The following SRD5A2 variants were observed in gnomAD, a reference collection of about 807,000 sequenced individuals.
SRD5A2 encodes the protein 3-oxo-5-alpha-steroid 4-dehydrogenase 2.
In SRD5A2, 30 loss-of-function variants were observed where a neutral mutation model predicts 27.4. That is an observed-to-expected ratio of 1.10 (90% CI 0.82 to 1.49). The LOEUF (loss-of-function observed/expected upper bound fraction) is 1.49. Ranked by LOEUF, SRD5A2 falls within the 40% of genes most tolerant of loss-of-function variation. SRD5A2 has a pLI of 0.00. For synonymous variants in SRD5A2, 141 were observed against 133.6 expected (o/e 1.06, Z -0.38); for missense variants, 348 against 323.4 (o/e 1.08, Z -0.58).
rs1236417508 is a variant in SRD5A2 at position 31,533,646 on chromosome 2, A to G, written c.402T>C (p.Ala134=). Reference sequence around the variant, plus strand: ...CTGTGTACCACCCATCAGGGTATTCAGCACAGTAAATCAGATAGTAGCCTT... The same window carrying G: ...CTGTGTACCACCCATCAGGGTATTCGGCACAGTAAATCAGATAGTAGCCTT... The part of the protein sequence containing the change: ...VLQGYYLIYC[A]EYPDGWYTDI... The change falls in exon 2 of 5, where the codon GCT becomes GCC. Residue 134 remains alanine, a synonymous_variant. Transcript: ENST00000622030. The G allele has an allele frequency of 2.6e-6, 4 of 1,555,996 alleles. No individual in the cohort carries two copies. The highest frequency in any genetic ancestry group is 1.4e-5 in the African/African-American group (1 of 73,340).
chr2:31,551,736 T>C (rs1229847947), intron 1 of SRD5A2, among the ~76,000 whole-genome samples: 1 of 152,116 alleles, frequency 6.6e-6, no homozygotes, highest in Non-Finnish European at 1.5e-5. Flanking sequence ...TCAAAGGAAC[T>C]TGGATAACTA....
intron 1 of SRD5A2, among the ~76,000 whole-genome samples, chr2:31,549,440 G>A (rs1375278332): frequency 6.6e-6 from 1 of 152,034 alleles, no homozygotes; most frequent in African/African-American, 2.4e-5. Flanking sequence ...ATAAGATAAA[G>A]AGTCATGAGC....
At chr2:31,592,089 TA>T in the SRD5A2 span, among the ~76,000 whole-genome samples, 1 of 136,240 alleles carries the variant, frequency 7.3e-6, no homozygotes. Flanking sequence ...AAGTATAATT[TA>T]AAAAAAAACA....
chr2:31,576,686 A>G lies in SRD5A2; in HGVS notation c.281+3934T>C. 3.4e-5 allele frequency among the ~76,000 whole-genome samples: 2 copies of G among 58,730 alleles called. 1 individual carries two copies. The highest frequency in any genetic ancestry group is 6.9e-5 in the Non-Finnish European group (2 of 28,848). The allele number at this position is 58,730 out of a possible 152,430, so 38.5% of individuals were successfully genotyped here. A position where few individuals can be genotyped will look rare whatever the true frequency, so the allele number is the denominator to read the frequency against. ...GACTATAAATCATGCTGCTATAAAG[A>G]CACATGCACACATATGTTTATTGTG... On this transcript the variant is annotated intron_variant, in intron 1 of 4. Transcript: ENST00000622030.
chr2:31,662,935 G>T, the SRD5A2 span, among the ~76,000 whole-genome samples: 1 of 152,088 alleles, frequency 6.6e-6, no homozygotes, highest in African/African-American at 2.4e-5. Context: ...CCATACCCCA[G>T]CTATTAATGT....
At chr2:31,600,609 G>A in the SRD5A2 span, among the ~76,000 whole-genome samples, 2,164 of 151,698 alleles carry the variant, frequency 0.014, 36 homozygotes, top group Middle Eastern at 0.068. Flanking sequence ...TCATATGCTT[G>A]TTGGCCACAT....
the SRD5A2 span, among the ~76,000 whole-genome samples, chr2:31,610,836 G>A: frequency 1.1e-4 from 16 of 152,076 alleles, no homozygotes; most frequent in Non-Finnish European, 1.9e-4. Context: ...TGCCATGCAC[G>A]GTGGCTCATG....
chr2:31,532,859 G>A (rs1031403608), intron 2 of SRD5A2, among the ~76,000 whole-genome samples: 3 of 152,036 alleles, frequency 2.0e-5, no homozygotes, highest in African/African-American at 7.2e-5. Flanking sequence ...TTTTAGATAG[G>A]GTGGTCAGGG....
At chr2:31,654,998 A>C in the SRD5A2 span, among the ~76,000 whole-genome samples, 3 of 152,250 alleles carry the variant, frequency 2.0e-5, no homozygotes, top group Non-Finnish European at 4.4e-5. Flanking sequence ...TGATAAGCAG[A>C]TATGAGTCAA....
chr2:31,596,182 G>A, the SRD5A2 span, among the ~76,000 whole-genome samples: 1 of 152,100 alleles, frequency 6.6e-6, no homozygotes, highest in Admixed American at 6.6e-5. Context: ...AGGCCAAGGA[G>A]TTTGAGACCA....
the SRD5A2 span, among the ~76,000 whole-genome samples, chr2:31,590,811 C>G: frequency 2.0e-5 from 3 of 152,070 alleles, no homozygotes; most frequent in Non-Finnish European, 4.4e-5. Context: ...ACAAACCTGA[C>G]AAAAACAGGA....
the SRD5A2 span, among the ~76,000 whole-genome samples, chr2:31,649,793 T>C: frequency 6.6e-6 from 1 of 152,146 alleles, no homozygotes; most frequent in Non-Finnish European, 1.5e-5. Context: ...GATATTCACA[T>C]AATATATAAC....
intron 1 of SRD5A2, among the ~76,000 whole-genome samples, chr2:31,545,099 A>G (rs1374254010): frequency 1.3e-5 from 2 of 151,938 alleles, no homozygotes; most frequent in Non-Finnish European, 2.9e-5. Flanking sequence ...CCCTTGATCT[A>G]ACAGTTTCAC....
At chr2:31,601,830 C>A in the SRD5A2 span, among the ~76,000 whole-genome samples, 8 of 151,964 alleles carry the variant, frequency 5.3e-5, no homozygotes, top group African/African-American at 1.9e-4. Context: ...TCAATCGATG[C>A]AGAAAGGGCC....
At chr2:31,637,136 C>T in the SRD5A2 span, among the ~76,000 whole-genome samples, 1 of 151,962 alleles carries the variant, frequency 6.6e-6, no homozygotes, top group East Asian at 1.9e-4. Context: ...TTTACTATGG[C>T]TTAGATCTCA....
At chr2:31,559,664 A>C (rs891950334) in intron 1 of SRD5A2, among the ~76,000 whole-genome samples, 5 of 152,210 alleles carry the variant, frequency 3.3e-5, no homozygotes, top group African/African-American at 1.2e-4. Flanking sequence ...TTAAAGAAAA[A>C]GGAGGCAAAT....
At chr2:31,536,980 T>C (rs1235734411) in intron 1 of SRD5A2, among the ~76,000 whole-genome samples, 2 of 152,176 alleles carry the variant, frequency 1.3e-5, no homozygotes, top group African/African-American at 4.8e-5. Flanking sequence ...TAAGTAAATA[T>C]TCATTTGGGG....
chr2:31,605,250 G>C, the SRD5A2 span, among the ~76,000 whole-genome samples: 1 of 151,756 alleles, frequency 6.6e-6, no homozygotes, highest in Non-Finnish European at 1.5e-5. Context: ...AAGATTTCTT[G>C]GGTACTACCC....
the SRD5A2 span, among the ~76,000 whole-genome samples, chr2:31,629,461 G>T: frequency 6.6e-6 from 1 of 152,118 alleles, no homozygotes; most frequent in Non-Finnish European, 1.5e-5. Context: ...TCCTTCCTTA[G>T]AATTGGAGGA....
Sources: allele counts gnomAD v4.1 joint callset (sites outside exome capture counted in the v4.1 genomes callset), GRCh38; gene constraint gnomAD v4.1.1; transcripts MANE v1.5; gene names NCBI Gene and HGNC (gene_info 2026-07-23, HGNC 2026-07-21).